PCDH15: variants seen among roughly 807,000 people sequenced by gnomAD.
PCDH15 encodes protocadherin related 15, also known as protocadherin-15.
A neutral mutation model predicts 178.5 loss-of-function variants in PCDH15; 129 were observed. The ratio of observed to expected loss-of-function variants is 0.72; its 90% CI spans 0.63 to 0.84. The LOEUF is 0.84. Among genes scored for constraint, PCDH15 ranks in the 40% least tolerant of loss-of-function variants. The pLI, the probability that PCDH15 is intolerant of heterozygous loss-of-function variation, is 0.00. For missense variants in PCDH15, 2,230 were observed against 2,099.9 expected (o/e 1.06, Z -1.21); for synonymous variants, 800 against 732.0 (o/e 1.09, Z -1.50).
intron 2 of PCDH15, among the ~76,000 whole-genome samples, chr10:55,440,564 TTCAGAAAAGAAG>T (rs1476311427): frequency 6.6e-6 from 1 of 152,062 alleles, no homozygotes; most frequent in Non-Finnish European, 1.5e-5. Context: ...AATATCTAAA[TTCAGAAAAGAAG>T]TCAGAAATGT....
chr10:54,026,653 T>C (rs1473580281), intron 18 of PCDH15, among the ~76,000 whole-genome samples: 2 of 152,168 alleles, frequency 1.3e-5, no homozygotes, highest in East Asian at 3.9e-4. Context: ...CATTTACTGA[T>C]TTGCGTATAT....
chr10:55,076,017 G>A (rs1841876981), intron 2 of PCDH15, among the ~76,000 whole-genome samples: 1 of 152,000 alleles, frequency 6.6e-6, no homozygotes, highest in Non-Finnish European at 1.5e-5. Context: ...GGAGCATGTT[G>A]TTTTGTTTCT....
At chr10:55,073,861 C>T (rs1564773320) in intron 2 of PCDH15, among the ~76,000 whole-genome samples, 1 of 151,554 alleles carries the variant, frequency 6.6e-6, no homozygotes, top group Non-Finnish European at 1.5e-5. Context: ...GCTCTTGCTC[C>T]CCCCCATCTC....
intron 2 of PCDH15, among the ~76,000 whole-genome samples, chr10:54,533,822 C>G (rs1226560636): frequency 1.3e-5 from 2 of 152,096 alleles, no homozygotes; most frequent in Admixed American, 1.3e-4. Context: ...AAATCCTTAG[C>G]TTTAACCATT....
chr10:55,610,147 A>C (rs1202399032), intron 2 of PCDH15, among the ~76,000 whole-genome samples: 1 of 152,108 alleles, frequency 6.6e-6, no homozygotes, highest in Non-Finnish European at 1.5e-5. Flanking sequence ...CATCAAGAAG[A>C]AGTTGCAAAC....
At chr10:55,350,477 T>C (rs1330373437) in intron 2 of PCDH15, among the ~76,000 whole-genome samples, 1 of 151,646 alleles carries the variant, frequency 6.6e-6, no homozygotes, top group Non-Finnish European at 1.5e-5. Context: ...AGAGGGAAGA[T>C]AGATAAATAG....
intron 26 of PCDH15, among the ~76,000 whole-genome samples, chr10:53,899,890 C>G (rs77371413): frequency 0.016 from 2,512 of 152,260 alleles, 65 homozygotes; most frequent in African/African-American, 0.054. Flanking sequence ...ATTTATTACT[C>G]CCTTCCGCTC....
intron 2 of PCDH15, among the ~76,000 whole-genome samples, chr10:55,076,764 CT>C (rs902966495): frequency 0.048 from 5,152 of 106,808 alleles, 46 homozygotes; most frequent in East Asian, 0.12. Flanking sequence ...GGCCTGTGAC[CT>C]TTTTTTTTTT....
At chr10:53,850,754 T>G (rs2078304109) in intron 28 of PCDH15, among the ~76,000 whole-genome samples, 1 of 152,158 alleles carries the variant, frequency 6.6e-6, no homozygotes, top group South Asian at 2.1e-4. Flanking sequence ...TGATAAAAAT[T>G]AAATCATTCA....
intron 1 of PCDH15, among the ~76,000 whole-genome samples, chr10:55,289,949 G>T (rs1842966610): frequency 6.7e-6 from 1 of 150,094 alleles, no homozygotes; most frequent in African/African-American, 2.5e-5. Context: ...GATTTCCTTT[G>T]CTTGTGCTCA....
chr10:54,022,788 C>A lies in PCDH15; in HGVS notation c.2526+104G>T, dbSNP rs2135317682. ...TTCATTGTTTATCTGAAATTAAAAT[C>A]CAACTTGGTATGTTGTATTGTTACT... On this transcript the variant is annotated intron_variant, in intron 19 of 37. Transcript: ENST00000644397. The A allele has an allele frequency of 4.5e-6, 5 of 1,116,310 alleles. No homozygotes were observed. The East Asian group carries it at 7.2e-5, about 16-fold the overall frequency. The allele number at this position is 1,116,310 out of a possible 1,614,324, so 69.2% of individuals were successfully genotyped here. A position where few individuals can be genotyped will look rare whatever the true frequency, so the allele number is the denominator to read the frequency against.
At chr10:54,597,950 T>C (rs1267513990) in intron 2 of PCDH15, among the ~76,000 whole-genome samples, 1 of 152,106 alleles carries the variant, frequency 6.6e-6, no homozygotes, top group Non-Finnish European at 1.5e-5. Context: ...ATTAAATCCC[T>C]GAAGATAACT....
intron 2 of PCDH15, among the ~76,000 whole-genome samples, chr10:55,147,740 C>G (rs1838568920): frequency 6.6e-6 from 1 of 151,288 alleles, no homozygotes; most frequent in Non-Finnish European, 1.5e-5. Flanking sequence ...TATACATGTG[C>G]CATGCTGGTG....
chr10:54,454,289 T>C (rs2076674725), intron 3 of PCDH15, among the ~76,000 whole-genome samples: 1 of 149,658 alleles, frequency 6.7e-6, no homozygotes, highest in South Asian at 2.1e-4. Flanking sequence ...AGATTATAAA[T>C]GCTTTTAATT....
chr10:54,598,241 A>G (rs998953110), intron 2 of PCDH15, among the ~76,000 whole-genome samples: 2 of 151,958 alleles, frequency 1.3e-5, no homozygotes, highest in Non-Finnish European at 2.9e-5. Flanking sequence ...ACAAAATACT[A>G]CCCAGCTGAA....
intron 2 of PCDH15, among the ~76,000 whole-genome samples, chr10:54,964,460 CTG>C (rs1238061579): frequency 6.6e-6 from 1 of 152,138 alleles, no homozygotes; most frequent in Non-Finnish European, 1.5e-5. Flanking sequence ...TAGGAGGAAA[CTG>C]TATCAGCCTG....
At chr10:54,650,016 G>A (rs988541300) in intron 2 of PCDH15, among the ~76,000 whole-genome samples, 1 of 152,030 alleles carries the variant, frequency 6.6e-6, no homozygotes, top group African/African-American at 2.4e-5. Context: ...GAAAATATAA[G>A]TAACTGAGAC....
At chr10:54,227,292 C>A (rs974680931) in intron 9 of PCDH15, among the ~76,000 whole-genome samples, 1 of 152,234 alleles carries the variant, frequency 6.6e-6, no homozygotes, top group African/African-American at 2.4e-5. Context: ...GCTTCCCAAA[C>A]CTCAATTCTT....
At chr10:54,740,729 A>G (rs761938507) in intron 1 of PCDH15, among the ~76,000 whole-genome samples, 5 of 152,018 alleles carry the variant, frequency 3.3e-5, no homozygotes, top group Non-Finnish European at 7.4e-5. Flanking sequence ...CAACATGGAT[A>G]GAACTGGAGG....
Sources: allele counts gnomAD v4.1 joint callset (sites outside exome capture counted in the v4.1 genomes callset), GRCh38; gene constraint gnomAD v4.1.1; transcripts MANE v1.5; gene names NCBI Gene and HGNC (gene_info 2026-07-23, HGNC 2026-07-21).